The following PCDHGA3 variants were observed in gnomAD, a reference collection of about 807,000 sequenced individuals.
PCDHGA3 encodes the protein protocadherin gamma-A3.
A neutral mutation model predicts 58.5 loss-of-function variants in PCDHGA3; 40 were observed. The observed-to-expected ratio is 0.68, with a 90% confidence interval of 0.53 to 0.89. PCDHGA3 has a LOEUF of 0.89. Among genes scored for constraint, PCDHGA3 ranks in the 40% least tolerant of loss-of-function variants. The pLI, the probability that PCDHGA3 is intolerant of heterozygous loss-of-function variation, is 0.00. For synonymous variants in PCDHGA3, 530 were observed against 525.7 expected (o/e 1.01, Z -0.11); for missense variants, 1,223 against 1,195.9 (o/e 1.02, Z -0.33).
chr5:141,427,914 A>G (rs757621783), intron 1 of PCDHGA3: 123 of 1,576,802 alleles, frequency 7.8e-5, no homozygotes, highest in Non-Finnish European at 7.6e-5. Context: ...CAGCGCCAAC[A>G]TGAGCCGGCG....
chr5:141,423,561 C>G (rs959698297), intron 1 of PCDHGA3: 7 of 1,613,628 alleles, frequency 4.3e-6, no homozygotes, highest in Non-Finnish European at 5.9e-6. Flanking sequence ...ACTATGGGGA[C>G]ACGCTCATCA....
chr5:141,420,454 TATTCAAAGAC>T, intron 1 of PCDHGA3: 1 of 968,104 alleles, frequency 1.0e-6, no homozygotes, highest in Admixed American at 3.7e-5. Context: ...GTCTTCCTAC[TATTCAAAGAC>T]ATTTTAAAGC....
chr5:141,422,850 G>C (rs184432819), intron 1 of PCDHGA3: 30 of 1,614,086 alleles, frequency 1.9e-5, no homozygotes, highest in Middle Eastern at 1.6e-4. Flanking sequence ...GCGGGGACCC[G>C]CCCCTCAGCA....
intron 1 of PCDHGA3, chr5:141,375,104 A>G (rs762208267): frequency 6.2e-7 from 1 of 1,613,956 alleles, no homozygotes; most frequent in Non-Finnish European, 8.5e-7. Context: ...CTTGGATGTC[A>G]ATGATAATGT....
chr5:141,505,294 G>A, intron 2 of PCDHGA3, 99 bp from the exon 3 acceptor site: 1 of 1,572,086 alleles, frequency 6.4e-7, no homozygotes, highest in Non-Finnish European at 8.6e-7. Flanking sequence ...GCATGGGGTA[G>A]GGTTAGGGTA....
intron 1 of PCDHGA3, among the ~76,000 whole-genome samples, chr5:141,448,393 A>G (rs190525499): frequency 6.6e-6 from 1 of 152,306 alleles, no homozygotes; most frequent in Admixed American, 6.5e-5. Flanking sequence ...ATACATTTAC[A>G]TGGTTTTAAA....
rs1484954022 is a variant in PCDHGA3 at position 141,511,920 on chromosome 5, T to C, written c.*747T>C. 1 of 156,200 alleles carries C rather than the reference T, an allele frequency of 6.4e-6. No individual in the cohort carries two copies. Among genetic ancestry groups the C allele is most frequent in the Non-Finnish European group, 1.4e-5 (1 of 70,262 alleles). The allele number at this position is 156,200 out of a possible 1,614,324, so 9.7% of individuals were successfully genotyped here. The stretch of plus-strand genomic sequence containing the variant: ...CTCCTCCTCAAACAAGAGACTCCAC[T>C]GCATGTTCCAAGACAGTATGGGGTG... On this transcript the variant is annotated 3_prime_UTR_variant, in exon 4 of 4. Coordinates refer to ENST00000253812, the MANE Select transcript of PCDHGA3 (RefSeq NM_018916.4).
chr5:141,470,479 C>T (rs2099231547), intron 1 of PCDHGA3, among the ~76,000 whole-genome samples: 1 of 152,078 alleles, frequency 6.6e-6, no homozygotes, highest in African/African-American at 2.4e-5. Flanking sequence ...ATTACTAACC[C>T]TCTGGGAATA....
chr5:141,405,320 C>G, intron 1 of PCDHGA3: 1 of 1,614,188 alleles, frequency 6.2e-7, no homozygotes, highest in Non-Finnish European at 8.5e-7. Context: ...GAAAAATGAG[C>G]CTTTGTGCGT....
chr5:141,389,834 A>G, intron 1 of PCDHGA3: 2 of 1,613,988 alleles, frequency 1.2e-6, no homozygotes, highest in Non-Finnish European at 1.7e-6. Context: ...GTGGACAGCC[A>G]CCACTCTCGG....
chr5:141,385,004 G>T, intron 1 of PCDHGA3: 1 of 1,614,140 alleles, frequency 6.2e-7, no homozygotes, highest in Non-Finnish European at 8.5e-7. Flanking sequence ...ACAGTCTCCT[G>T]CGTCTTCCTA....
chr5:141,383,455 G>A (rs1330166497), intron 1 of PCDHGA3: 1 of 1,613,936 alleles, frequency 6.2e-7, no homozygotes, highest in South Asian at 1.1e-5. Context: ...GCAAAGTGGA[G>A]ACGATGAAAC....
At chr5:141,351,041 G>A (rs975493173) in intron 1 of PCDHGA3, 6 of 1,614,078 alleles carry the variant, frequency 3.7e-6, no homozygotes, top group East Asian at 2.2e-5. Context: ...CGTGCTGCGG[G>A]TGATGGCCAC....
intron 1 of PCDHGA3, chr5:141,415,367 CT>C (rs2095859649): frequency 6.2e-7 from 1 of 1,614,118 alleles, no homozygotes; most frequent in African/African-American, 1.3e-5. Flanking sequence ...CTGCTGCAGG[CT>C]TCAGGAGGCG....
chr5:141,399,797 G>C lies in PCDHGA3; in HGVS notation c.2424+53340G>C, dbSNP rs760211919. On this transcript the variant is annotated intron_variant, in intron 1 of 3. Coordinates refer to ENST00000253812, the MANE Select transcript of PCDHGA3 (RefSeq NM_018916.4). ...GGCGACCGAAACGACAACGCACCGC[G>C]GGTGCTGTACCCCGCGCTGGGTCCC... 4.3e-6 allele frequency: 7 copies of C among 1,613,192 alleles called. No homozygotes were observed. In the South Asian group the frequency reaches 7.7e-5, roughly 18 times the overall value.
intron 1 of PCDHGA3, chr5:141,376,679 T>A (rs1008866087): frequency 1.9e-6 from 1 of 528,242 alleles, no homozygotes; most frequent in Non-Finnish European, 2.9e-6. Context: ...GGGTATCGTT[T>A]TTTTTTTTTT....
intron 1 of PCDHGA3, among the ~76,000 whole-genome samples, chr5:141,438,216 T>A (rs2097938802): frequency 6.6e-6 from 1 of 152,158 alleles, no homozygotes; most frequent in Non-Finnish European, 1.5e-5. Flanking sequence ...TGGGAAGGGC[T>A]CTGGTTCAGG....
chr5:141,358,195 A>G (rs559791322), intron 1 of PCDHGA3, among the ~76,000 whole-genome samples: 1 of 152,198 alleles, frequency 6.6e-6, no homozygotes, highest in East Asian at 1.9e-4. Flanking sequence ...GTCTCCAAAA[A>G]GTAAAATAAA....
intron 1 of PCDHGA3, chr5:141,398,587 C>G: frequency 6.2e-7 from 1 of 1,613,860 alleles, no homozygotes; most frequent in Non-Finnish European, 8.5e-7. Context: ...AAGATTTATA[C>G]TAGAAGTAGC....
Sources: allele counts gnomAD v4.1 joint callset (sites outside exome capture counted in the v4.1 genomes callset), GRCh38; gene constraint gnomAD v4.1.1; transcripts MANE v1.5; gene names NCBI Gene and HGNC (gene_info 2026-07-23, HGNC 2026-07-21).